The following RAB3IP variants were observed in gnomAD, a reference collection of about 807,000 sequenced individuals.
The protein encoded by RAB3IP is RAB3A interacting protein.
Under a neutral mutation model 59.1 loss-of-function variants are expected in RAB3IP, and 36 were observed. The ratio of observed to expected loss-of-function variants is 0.61; its 90% CI spans 0.47 to 0.80. The LOEUF (loss-of-function observed/expected upper bound fraction) is 0.80, where lower values mean the gene tolerates loss of function less well. Among genes scored for constraint, RAB3IP ranks in the 30% least tolerant of loss-of-function variants. The probability of loss-of-function intolerance (pLI) is 0.00; values close to 1 mark genes in which losing one functional copy is unlikely to be tolerated. For missense variants in RAB3IP, 511 were observed against 536.0 expected, an observed-to-expected ratio of 0.95 and a Z score of 0.46; for synonymous variants, 207 against 191.2, an observed-to-expected ratio of 1.08 and a Z score of -0.68.
intron 4 of RAB3IP, among the ~76,000 whole-genome samples, chr12:69,794,120 C>T (rs890847387): frequency 1.3e-5 from 2 of 152,200 alleles, no homozygotes; most frequent in African/African-American, 4.8e-5. Context: ...AAAAAGCTGA[C>T]TGCAAAGGAG....
In RAB3IP at chr12:69,794,907, G is replaced by C. The variant is rs545911988; in HGVS notation, c.685-234G>C. Reference sequence around the variant, plus strand: ...GAGGATTTTGAAAATTCACATAAATGTTAGATATTTTGGTAATTTTCACAG... The same window carrying C: ...GAGGATTTTGAAAATTCACATAAATCTTAGATATTTTGGTAATTTTCACAG... On this transcript the variant is annotated intron_variant, in intron 5 of 10. Coordinates refer to ENST00000247833, the MANE Select transcript of RAB3IP (RefSeq NM_022456.5). Among the ~76,000 whole-genome samples, 55 of 152,142 alleles carry C rather than the reference G, an allele frequency of 3.6e-4. 1 individual carries two copies. Among genetic ancestry groups the C allele is most frequent in the African/African-American group, 1.3e-3 (53 of 41,442 alleles).
Position 69,817,132 on chromosome 12 carries a change from G to A in RAB3IP, c.*1686G>A, listed in dbSNP as rs1158081183. ...GAAACAAATCCAGGAGATACTGTAC[G>A]GTTTGAAAGAAAGGTAATCAAATAC... On this transcript the variant is annotated 3_prime_UTR_variant, in exon 11 of 11. Transcript: ENST00000247833. 2 of 152,084 alleles carry A rather than the reference G, an allele frequency of 1.3e-5. No homozygotes were observed. The highest frequency in any genetic ancestry group is 1.3e-4 in the Admixed American group (2 of 15,254). The allele number at this position is 152,084 out of a possible 1,614,324, so 9.4% of individuals were successfully genotyped here.
intron 10 of RAB3IP, 138 bp from the exon 11 acceptor site, chr12:69,815,226 A>C: frequency 1.6e-6 from 1 of 606,246 alleles, no homozygotes; most frequent in Non-Finnish European, 2.8e-6. Flanking sequence ...GGAAAAGTTT[A>C]TGTGAATTAT....
chr12:69,805,500 C>A (rs953523979), intron 8 of RAB3IP, among the ~76,000 whole-genome samples: 3 of 152,084 alleles, frequency 2.0e-5, no homozygotes, highest in African/African-American at 4.8e-5. Context: ...CCTTCTCCTG[C>A]CTGATTGCCC....
intron 8 of RAB3IP, among the ~76,000 whole-genome samples, chr12:69,806,332 C>A (rs1879263729): frequency 6.6e-6 from 1 of 152,144 alleles, no homozygotes; most frequent in Admixed American, 6.5e-5. Context: ...TCTGTGGGAG[C>A]AGTGGTGATA....
At chr12:69,739,669 T>G in intron 1 of RAB3IP, 2 of 658,410 alleles carry the variant, frequency 3.0e-6, no homozygotes, top group Non-Finnish European at 5.3e-6. Context: ...AGTAGGCAGC[T>G]CCGTGCCGCC....
chr12:69,740,901 C>T (rs1055881992), intron 1 of RAB3IP, among the ~76,000 whole-genome samples: 1 of 152,226 alleles, frequency 6.6e-6, no homozygotes, highest in African/African-American at 2.4e-5. Flanking sequence ...CAACAGGAGT[C>T]AGTGAACAAA....
At chr12:69,751,065 A>G (rs1279636477) in intron 1 of RAB3IP, among the ~76,000 whole-genome samples, 1 of 152,192 alleles carries the variant, frequency 6.6e-6, no homozygotes, top group Admixed American at 6.5e-5. Context: ...AAAATACTTC[A>G]TTCTTTCATT....
chr12:69,786,493 G>A lies in RAB3IP; in HGVS notation c.606+1678G>A, dbSNP rs561971895. Among the ~76,000 whole-genome samples, 22 of 152,244 alleles carry A rather than the reference G, an allele frequency of 1.4e-4. No individual in the cohort carries two copies. In the East Asian group the frequency reaches 3.9e-3, roughly 27 times the overall value. On this transcript the variant is annotated intron_variant, in intron 4 of 10. Coordinates refer to ENST00000247833, the MANE Select transcript of RAB3IP (RefSeq NM_022456.5). Reference sequence around the variant, plus strand: ...GGAAAGTTAAAGAGCTAGAATAGAAGCTATGTGACTTGTTACATTTCTGAA... The same window carrying A: ...GGAAAGTTAAAGAGCTAGAATAGAAACTATGTGACTTGTTACATTTCTGAA...
At chr12:69,769,792 A>G (rs1233413394) in intron 3 of RAB3IP, among the ~76,000 whole-genome samples, 1 of 152,218 alleles carries the variant, frequency 6.6e-6, no homozygotes, top group African/African-American at 2.4e-5. Flanking sequence ...GTGATGTTTC[A>G]TTGATTCTGA....
At chr12:69,809,930 G>A (rs1016019199) in intron 8 of RAB3IP, among the ~76,000 whole-genome samples, 45 of 152,240 alleles carry the variant, frequency 3.0e-4, no homozygotes, top group African/African-American at 1.0e-3. Context: ...GCTTTGTTCC[G>A]TTGCTGGTGA....
At chr12:69,771,441 T>G (rs1376437187) in intron 3 of RAB3IP, among the ~76,000 whole-genome samples, 1 of 151,998 alleles carries the variant, frequency 6.6e-6, no homozygotes, top group Non-Finnish European at 1.5e-5. Flanking sequence ...GTGGGAGGAT[T>G]GCTTGAGCTT....
At chr12:69,756,803 G>A in intron 3 of RAB3IP, 140 bp downstream of exon 3, 1 of 716,352 alleles carries the variant, frequency 1.4e-6, no homozygotes, top group Non-Finnish European at 2.3e-6. Flanking sequence ...GCTCCTGTTA[G>A]GCAGCATTTA....
chr12:69,803,366 G>A (rs1255273612), intron 8 of RAB3IP, among the ~76,000 whole-genome samples: 1 of 152,108 alleles, frequency 6.6e-6, no homozygotes, highest in Non-Finnish European at 1.5e-5. Context: ...TTGTGAGCTA[G>A]AGTGTGAAGA....
chr12:69,754,555 A>G (rs1195355025), intron 1 of RAB3IP, among the ~76,000 whole-genome samples: 10 of 152,322 alleles, frequency 6.6e-5, no homozygotes, highest in Admixed American at 2.6e-4. Context: ...TATAAATTCA[A>G]GAGATCTATG....
chr12:69,768,078 A>G (rs1307060416), intron 3 of RAB3IP, among the ~76,000 whole-genome samples: 1 of 152,176 alleles, frequency 6.6e-6, no homozygotes, highest in East Asian at 1.9e-4. Flanking sequence ...TGATCCAGCA[A>G]GCTGGTTCCC....
intron 3 of RAB3IP, among the ~76,000 whole-genome samples, chr12:69,781,803 G>A (rs1874768516): frequency 6.6e-6 from 1 of 152,184 alleles, no homozygotes; most frequent in Non-Finnish European, 1.5e-5. Flanking sequence ...CTAAGTTTGG[G>A]CAGTTATGAG....
At chr12:69,810,311 G>T (rs921685319) in intron 8 of RAB3IP, among the ~76,000 whole-genome samples, 27 of 152,178 alleles carry the variant, frequency 1.8e-4, no homozygotes, top group African/African-American at 5.3e-4. Context: ...CGCCCCTACT[G>T]GGGGGTGCCT....
At chr12:69,814,600 G>A (rs1451738624) in intron 10 of RAB3IP, among the ~76,000 whole-genome samples, 1 of 151,896 alleles carries the variant, frequency 6.6e-6, no homozygotes, top group South Asian at 2.1e-4. Context: ...TAGCACCCCC[G>A]AGATGGGACA....
Sources: gnomAD v4.1 joint callset for allele counts (sites outside exome capture counted in the v4.1 genomes callset) on GRCh38, gnomAD v4.1.1 for gene constraint, MANE v1.5 for transcripts, NCBI Gene and HGNC (gene_info 2026-07-23, HGNC 2026-07-21) for gene names.